Variants in NEB observed in about 807,000 individuals in gnomAD.
NEB encodes nebulin.
Under a neutral mutation model 952.2 loss-of-function variants are expected in NEB, and 512 were observed. That is an observed-to-expected ratio of 0.54 (90% CI 0.50 to 0.58). The LOEUF is 0.58. Among genes scored for constraint, NEB ranks in the 20% least tolerant of loss-of-function variants. NEB has a pLI of 0.00. For synonymous variants in NEB, 2,900 were observed against 3,149.8 expected, an observed-to-expected ratio of 0.92 and a Z score of 2.66; for missense variants, 8,428 against 9,231.1, an observed-to-expected ratio of 0.91 and a Z score of 3.56.
rs398124169 is a variant in NEB, at chr2:151,494,231, C to T, written c.24509G>A (p.Gly8170Glu). The T allele has an allele frequency of 1.9e-5, 31 of 1,601,898 alleles. No individual in the cohort carries two copies. The highest frequency in any genetic ancestry group is 2.1e-5 in the Non-Finnish European group (25 of 1,173,268). Residue 8170 changes from glycine to glutamate, a missense_variant, in exon 174 of 182, where the codon GGG (glycine) becomes GAG (glutamate). By Grantham distance (98) the Gly-to-Glu change is moderately conservative (BLOSUM62 -2). Transcript: ENST00000397345. ...AGTGACAGGGGTTGCGGTGGCTTTC[C>T]CCACATTTTCTTTGTACAAAACCTA... ...ISSVLYKENV[G>E]KATATPVTPE...
rs1394854645 is a variant in NEB, at chr2:151,639,398, T to C, written c.8890-14A>G. 47 of 1,503,934 alleles carry C rather than the reference T, an allele frequency of 3.1e-5. No individual in the cohort carries two copies. The highest frequency in any genetic ancestry group is 3.8e-5 in the Non-Finnish European group (43 of 1,123,688). 93.2% of individuals were successfully genotyped at this position (1,503,934 alleles called of 1,614,324 possible). A position where few individuals can be genotyped will look rare whatever the true frequency, so the allele number is the denominator to read the frequency against. On this transcript the variant is annotated splice_polypyrimidine_tract_variant and intron_variant, in intron 62 of 181. Transcript: ENST00000397345. ...TGTGTATAAACGCTATCAAAAAAAA[T>C]ACACAAATTCATCAGGAAAAAAGTT...
intron 181 of NEB, among the ~76,000 whole-genome samples, chr2:151,488,088 ATTTAT>A (rs897969506): frequency 3.3e-5 from 5 of 151,958 alleles, no homozygotes; most frequent in African/African-American, 1.2e-4. Context: ...GGCCATTTAT[ATTTAT>A]TTTGCCATAA....
intron 107 of NEB, 104 bp downstream of exon 107, chr2:151,575,591 C>A (rs553780946): frequency 1.3e-6 from 1 of 796,792 alleles, no homozygotes; most frequent in Non-Finnish European, 2.1e-6. Context: ...TCCCCTGTTG[C>A]GGGAAGTCAG....
At chr2:151,702,594 G>T (rs4464268) in intron 13 of NEB, among the ~76,000 whole-genome samples, 128,360 of 150,872 alleles carry the variant, frequency 0.85, 55,555 homozygotes, top group Middle Eastern at 0.94. Context: ...CTCTTCTTGT[G>T]GAATTGATCC....
chr2:151,568,419 T>TAAA lies in NEB; in HGVS notation c.17635-5_17635-3dup, dbSNP rs3214503. 142 of 1,477,812 alleles carry TAAA rather than the reference T, an allele frequency of 9.6e-5. No individual in the cohort carries two copies. Among genetic ancestry groups the TAAA allele is most frequent in the South Asian group, 2.1e-4 (18 of 86,222 alleles). The allele number at this position is 1,477,812 out of a possible 1,614,324, so 91.5% of individuals were successfully genotyped here. On this transcript the variant is annotated splice_region_variant and splice_polypyrimidine_tract_variant and intron_variant, in intron 111 of 181. Coordinates refer to ENST00000397345, the MANE Select transcript of NEB (RefSeq NM_001164508.2). ...ATTCCAGTCTTTCCGGTATTTAATCTAAAAAAAAAAAAATGAGAGGCAAGG... is the reference window on the plus strand; with the variant it reads ...ATTCCAGTCTTTCCGGTATTTAATCTAAAAAAAAAAAAAAAATGAGAGGCAAGG...
chr2:151,666,550 C>T, intron 40 of NEB, 149 bp from the exon 41 acceptor site: 1 of 728,362 alleles, frequency 1.4e-6, no homozygotes, highest in African/African-American at 1.8e-5. Context: ...AAACAATTAG[C>T]AAAATATTTT....
chr2:151,711,731 A>T (rs1487375212), intron 10 of NEB, among the ~76,000 whole-genome samples: 1 of 152,198 alleles, frequency 6.6e-6, no homozygotes, highest in Non-Finnish European at 1.5e-5. Context: ...GTTTAATAAG[A>T]TCATTCGCTA....
chr2:151,711,881 C>A (rs1194387727), intron 10 of NEB, among the ~76,000 whole-genome samples: 3 of 152,104 alleles, frequency 2.0e-5, no homozygotes, highest in Non-Finnish European at 4.4e-5. Context: ...GGGGAGGGAA[C>A]AACTCTTCAA....
At position 151,678,038 on chromosome 2, in the gene NEB, G is replaced by A. The variant is rs2148495367; in HGVS notation, c.3405C>T (p.Ser1135=). Residue 1135 remains serine, a synonymous_variant, in exon 33 of 182, where the codon TCC becomes TCT. Coordinates refer to ENST00000397345, the MANE Select transcript of NEB (RefSeq NM_001164508.2). The stretch of plus-strand genomic sequence containing the variant: ...ACATATCATGGGGCGTGTTGTATTT[G>A]GACTTTGTCTTCTCATAGTCTTTTT... ...EYKKDYEKTK[S]KYNTPHDMFN... 1.9e-6 allele frequency: 3 copies of A among 1,613,836 alleles called. No individual in the cohort carries two copies. Among genetic ancestry groups the A allele is most frequent in the Non-Finnish European group, 2.5e-6 (3 of 1,179,844 alleles).
intron 32 of NEB, 30 bp from the exon 33 acceptor site, chr2:151,678,217 A>C: frequency 6.8e-7 from 1 of 1,465,996 alleles, no homozygotes; most frequent in Non-Finnish European, 9.2e-7. Flanking sequence ...GCATAATTTA[A>C]AATGTAGTTT....
intron 148 of NEB, 95 bp from the exon 149 acceptor site, chr2:151,526,357 A>G (rs768395272): frequency 3.0e-5 from 25 of 841,302 alleles, no homozygotes; most frequent in Admixed American, 6.3e-5. Context: ...CAGCGTTGAC[A>G]ATACTAAACT....
chr2:151,638,627 C>G (rs1484981987), intron 63 of NEB, among the ~76,000 whole-genome samples: 1 of 152,180 alleles, frequency 6.6e-6, no homozygotes, highest in Non-Finnish European at 1.5e-5. Context: ...ACTGGGAACC[C>G]TTAAGCAAAG....
In NEB at chr2:151,513,655, TC is replaced by T; in HGVS notation, c.23165del (p.Gly7722GlufsTer4). 3 of 1,608,564 alleles carry T rather than the reference TC, an allele frequency of 1.9e-6. No individual in the cohort carries two copies. Among genetic ancestry groups the T allele is most frequent in the Non-Finnish European group, 2.5e-6 (3 of 1,177,370 alleles). On this transcript the variant is annotated frameshift_variant, in exon 160 of 182. Transcript: ENST00000397345. LOFTEE classifies it high-confidence loss of function. ...YKRDLELEVKGRGLNAMANET... is the reference protein window; with the variant it reads ...YKRDLELEVKXRGLNAMANET... ...CATTGGCCATGGCATTCAGGCCTCT[TC>T]CTTTGACTTCCAGTTCCAGGTCTCG...
chr2:151,574,254 G>A (rs768029149), intron 107 of NEB, among the ~76,000 whole-genome samples: 15 of 152,192 alleles, frequency 9.9e-5, no homozygotes, highest in East Asian at 1.9e-4. Flanking sequence ...GATTACAGGC[G>A]TGAGCCATCG....
rs769525245 is a variant in NEB, at chr2:151,563,674, C to A, written c.18625G>T (p.Ala6209Ser). The part of the protein sequence containing the change: ...TYEKQKGHYL[A>S]GKVIGEFPGV... ...GGGAATTCACCGATCACTTTTCCAG[C>A]CAGGTAGTGACCTTTCTGCTTCTCA... The change falls in exon 119 of 182, where the codon GCT (alanine) becomes TCT (serine). Residue 6209 changes from alanine (A) to serine (S), a missense_variant. Coordinates refer to ENST00000397345, the MANE Select transcript of NEB (RefSeq NM_001164508.2). 2 of 1,613,878 alleles carry A rather than the reference C, an allele frequency of 1.2e-6. No individual in the cohort carries two copies. The highest frequency in any genetic ancestry group is 1.1e-5 in the South Asian group (1 of 91,086).
In NEB at chr2:151,663,869, G is replaced by C. The variant is rs755973658; in HGVS notation, c.5452-10C>G. ...CTTTCTTGTATTTGTACTGTGGACA[G>C]AGAAGAAATTATGGTGATGAAAATG... On this transcript the variant is annotated splice_polypyrimidine_tract_variant and intron_variant, in intron 44 of 181. Coordinates refer to ENST00000397345, the MANE Select transcript of NEB (RefSeq NM_001164508.2). The C allele has an allele frequency of 6.2e-7, 1 of 1,605,506 alleles. No homozygotes were observed. The highest frequency in any genetic ancestry group is 1.3e-5 in the African/African-American group (1 of 74,594).
chr2:151,676,587 T>C (rs1488704778), intron 34 of NEB, among the ~76,000 whole-genome samples: 2 of 152,164 alleles, frequency 1.3e-5, no homozygotes, highest in Non-Finnish European at 2.9e-5. Flanking sequence ...AACCTTTTGC[T>C]TTTACACTTT....
intron 77 of NEB, among the ~76,000 whole-genome samples, chr2:151,612,700 T>G (rs2098033560): frequency 6.6e-6 from 1 of 152,206 alleles, no homozygotes; most frequent in Non-Finnish European, 1.5e-5. Flanking sequence ...GATTTGATGG[T>G]CCCTACCTCC....
intron 181 of NEB, 94 bp downstream of exon 181, chr2:151,489,877 G>GT (rs1292619713): frequency 1.0e-5 from 9 of 897,180 alleles, no homozygotes; most frequent in Non-Finnish European, 1.2e-5. Context: ...AGAAGGTTTG[G>GT]TTAAAAAAAA....
Sources: gnomAD v4.1 joint callset for allele counts (sites outside exome capture counted in the v4.1 genomes callset) on GRCh38, gnomAD v4.1.1 for gene constraint, MANE v1.5 for transcripts, NCBI Gene and HGNC (gene_info 2026-07-23, HGNC 2026-07-21) for gene names.